The following SYNCRIP variants were observed in gnomAD, a reference collection of about 807,000 sequenced individuals.
The protein encoded by SYNCRIP is synaptotagmin binding cytoplasmic RNA interacting protein.
A neutral mutation model predicts 68.9 loss-of-function variants in SYNCRIP; 9 were observed. The observed-to-expected ratio is 0.13, with a 90% confidence interval of 0.08 to 0.23. The LOEUF is 0.23. SYNCRIP is among the 10% of genes least tolerant of loss of function. SYNCRIP has a pLI of 1.00. For missense variants in SYNCRIP, 414 were observed against 770.6 expected (o/e 0.54, Z 5.48); for synonymous variants, 258 against 254.0 (o/e 1.02, Z -0.15).
intron 10 of SYNCRIP, among the ~76,000 whole-genome samples, chr6:85,615,793 G>A (rs1474046710): frequency 1.3e-5 from 2 of 152,198 alleles, no homozygotes; most frequent in Non-Finnish European, 2.9e-5. Context: ...CTGGGTGACA[G>A]AGCGAGACTC....
chr6:85,639,895 T>C (rs1389321185), intron 4 of SYNCRIP, among the ~76,000 whole-genome samples: 1 of 152,174 alleles, frequency 6.6e-6, no homozygotes, highest in Non-Finnish European at 1.5e-5. Flanking sequence ...TTGCCAAATG[T>C]ACATTCTCCA....
chr6:85,617,651 T>C (rs574732007), intron 10 of SYNCRIP, among the ~76,000 whole-genome samples: 2 of 152,302 alleles, frequency 1.3e-5, no homozygotes, highest in South Asian at 2.1e-4. Flanking sequence ...ACTGAAGAAA[T>C]TGAGGTTCAG....
At chr6:85,613,797 AAAACAGTCAAG>A (rs1805467508), downstream of SYNCRIP, among the ~76,000 whole-genome samples, 1 of 152,212 alleles carries the variant, frequency 6.6e-6, no homozygotes, top group Admixed American at 6.5e-5. Flanking sequence ...CATGGTGTGC[AAAACAGTCAAG>A]AGGGCAATAT....
At chr6:85,635,412 G>A (rs1227912721) in intron 6 of SYNCRIP, among the ~76,000 whole-genome samples, 1 of 152,080 alleles carries the variant, frequency 6.6e-6, no homozygotes, top group Non-Finnish European at 1.5e-5. Flanking sequence ...ACATAATTTT[G>A]TACTGTTTAA....
At chr6:85,619,582 G>A (rs1428815692) in intron 8 of SYNCRIP, among the ~76,000 whole-genome samples, 165 bp from the exon 9 acceptor site, 2 of 151,672 alleles carry the variant, frequency 1.3e-5, no homozygotes, top group Non-Finnish European at 2.9e-5. Context: ...TCAAGCAGCA[G>A]AACTGCTGGA....
chr6:85,623,609 C>A (rs934652027), intron 7 of SYNCRIP, among the ~76,000 whole-genome samples: 18 of 140,812 alleles, frequency 1.3e-4, no homozygotes, highest in East Asian at 6.6e-4. Context: ...ATACTTACTA[C>A]TCCTGTAATT....
intron 10 of SYNCRIP, among the ~76,000 whole-genome samples, chr6:85,617,104 G>C (rs910945413): frequency 3.3e-5 from 5 of 151,618 alleles, no homozygotes; most frequent in Non-Finnish European, 5.9e-5. Context: ...TGACTTCTGA[G>C]CCTCAGTTTC....
intron 6 of SYNCRIP, among the ~76,000 whole-genome samples, chr6:85,624,317 A>G (rs1806791680): frequency 1.3e-5 from 2 of 152,224 alleles, no homozygotes; most frequent in African/African-American, 4.8e-5. Flanking sequence ...AGGTTATTAA[A>G]TCCTTTACTT....
intron 6 of SYNCRIP, among the ~76,000 whole-genome samples, chr6:85,634,298 T>C (rs562407151): frequency 1.3e-5 from 2 of 152,220 alleles, no homozygotes; most frequent in Non-Finnish European, 2.9e-5. Context: ...ATCTTTACTG[T>C]AAAGTTTCTG....
chr6:85,623,869 G>T, intron 7 of SYNCRIP, 108 bp downstream of exon 7: 1 of 1,341,004 alleles, frequency 7.5e-7, no homozygotes, highest in Non-Finnish European at 1.0e-6. Flanking sequence ...TTGTAGTGAG[G>T]ATTCGATGAG....
intron 4 of SYNCRIP, among the ~76,000 whole-genome samples, chr6:85,637,845 A>C (rs973332239): frequency 2.6e-5 from 4 of 152,162 alleles, no homozygotes; most frequent in African/African-American, 9.7e-5. Flanking sequence ...GAAACTTGGG[A>C]GCTACAGGGA....
At chr6:85,613,499 C>T (rs1342176939), downstream of SYNCRIP, among the ~76,000 whole-genome samples, 1 of 151,842 alleles carries the variant, frequency 6.6e-6, no homozygotes, top group Non-Finnish European at 1.5e-5. Flanking sequence ...AGAGTCTGTC[C>T]CCCAAAACTC....
intron 6 of SYNCRIP, among the ~76,000 whole-genome samples, chr6:85,636,246 A>G (rs1041430397): frequency 1.3e-5 from 2 of 152,168 alleles, no homozygotes; most frequent in Admixed American, 6.5e-5. Context: ...GGAGTTCGAG[A>G]CCAGCCTGGC....
At chr6:85,641,514 G>A in intron 1 of SYNCRIP, 63 bp from the exon 2 acceptor site, 4 of 1,500,384 alleles carry the variant, frequency 2.7e-6, no homozygotes, top group Non-Finnish European at 3.6e-6. Context: ...GACAATATGA[G>A]AGCCCCATCT....
At chr6:85,619,119 C>G in intron 9 of SYNCRIP, 149 bp downstream of exon 9, 1 of 1,242,108 alleles carries the variant, frequency 8.1e-7, no homozygotes, top group Non-Finnish European at 1.1e-6. Flanking sequence ...ACTTAGAAAA[C>G]TGCCAACATC....
intron 6 of SYNCRIP, among the ~76,000 whole-genome samples, chr6:85,625,379 G>C (rs1050800636): frequency 1.3e-5 from 2 of 151,044 alleles, no homozygotes; most frequent in Middle Eastern, 3.2e-3. Flanking sequence ...AAACATACAG[G>C]GTTTTTTTTT....
At chr6:85,641,521 A>T in intron 1 of SYNCRIP, 70 bp from the exon 2 acceptor site, 3 of 1,469,192 alleles carry the variant, frequency 2.0e-6, no homozygotes, top group Non-Finnish European at 2.8e-6. Flanking sequence ...TGAGAGCCCC[A>T]TCTTTACTTT....
At chr6:85,636,748 G>A (rs534597126) in intron 6 of SYNCRIP, among the ~76,000 whole-genome samples, 3 of 152,212 alleles carry the variant, frequency 2.0e-5, no homozygotes, top group East Asian at 3.9e-4. Context: ...AGAACCAATT[G>A]CTAGGAATTC....
chr6:85,643,140 C>T (rs898653368), upstream of SYNCRIP: 1 of 153,438 alleles, frequency 6.5e-6, no homozygotes, highest in Non-Finnish European at 1.4e-5. Context: ...CTCGGCCTTT[C>T]TTATTCCCGC....
Sources: gnomAD v4.1 joint callset for allele counts (sites outside exome capture counted in the v4.1 genomes callset) on GRCh38, gnomAD v4.1.1 for gene constraint, MANE v1.5 for transcripts, NCBI Gene and HGNC (gene_info 2026-07-23, HGNC 2026-07-21) for gene names.